Variants in LSAMP observed in about 807,000 individuals in gnomAD.
LSAMP encodes the protein limbic system-associated membrane protein.
In LSAMP, 7 loss-of-function variants were observed where a neutral mutation model predicts 38.6. That is an observed-to-expected ratio of 0.18 (90% CI 0.10 to 0.34). LSAMP has a LOEUF of 0.34. Among genes scored for constraint, LSAMP ranks in the 10% least tolerant of loss-of-function variants. The probability of loss-of-function intolerance (pLI) is 1.00; values close to 1 mark genes in which losing one functional copy is unlikely to be tolerated. For missense variants in LSAMP, 313 were observed against 420.0 expected (o/e 0.75, Z 2.23); for synonymous variants, 154 against 166.8 (o/e 0.92, Z 0.59).
At chr3:115,898,728 C>A (rs2107476468) in intron 3 of LSAMP, among the ~76,000 whole-genome samples, 1 of 152,122 alleles carries the variant, frequency 6.6e-6, no homozygotes, top group Middle Eastern at 3.4e-3. Flanking sequence ...CTGAATCAGG[C>A]AGACTTCACT....
chr3:116,048,939 A>G (rs1941342173), intron 2 of LSAMP, among the ~76,000 whole-genome samples: 1 of 152,054 alleles, frequency 6.6e-6, no homozygotes, highest in South Asian at 2.1e-4. Flanking sequence ...AGGGCCAAGG[A>G]CTCCTGGAGT....
chr3:115,836,885 G>C (rs147643414), intron 6 of LSAMP, among the ~76,000 whole-genome samples: 1 of 152,290 alleles, frequency 6.6e-6, no homozygotes, highest in East Asian at 1.9e-4. Flanking sequence ...GGCTCAAGCA[G>C]TCCTCCCACT....
intron 3 of LSAMP, among the ~76,000 whole-genome samples, chr3:115,884,875 A>G (rs1162508048): frequency 6.6e-6 from 1 of 152,060 alleles, no homozygotes; most frequent in African/African-American, 2.4e-5. Flanking sequence ...TAGCAAATGT[A>G]ATAAAAGAGG....
chr3:115,851,709 A>G (rs1466436306), intron 4 of LSAMP, among the ~76,000 whole-genome samples: 1 of 152,202 alleles, frequency 6.6e-6, no homozygotes, highest in Non-Finnish European at 1.5e-5. Context: ...TTTGTCCCTG[A>G]CACTAGCCAC....
chr3:116,051,234 G>A (rs1941390460), intron 2 of LSAMP: 1 of 152,182 alleles, frequency 6.6e-6, no homozygotes, highest in African/African-American at 2.4e-5. Flanking sequence ...CCCTTGTCAG[G>A]TTTTAGCCTC....
intron 1 of LSAMP, among the ~76,000 whole-genome samples, chr3:116,275,032 C>T (rs2047029314): frequency 6.8e-6 from 1 of 147,238 alleles, no homozygotes; most frequent in Non-Finnish European, 1.5e-5. Flanking sequence ...TTCTTATAAA[C>T]ACGGCCACAA....
rs537156263 is a variant in LSAMP, at chr3:116,002,484, C to T, written c.514+17031G>A. On this transcript the variant is annotated intron_variant, in intron 3 of 6. Transcript: ENST00000490035. The stretch of plus-strand genomic sequence containing the variant: ...TTGAATGCGCAGTTTTGGTTGTCTT[C>T]CCAGCTGCACCACATACCCCTACAT... Among the ~76,000 whole-genome samples, 83 of 152,222 alleles carry T rather than the reference C, an allele frequency of 5.5e-4. 1 individual carries two copies. Among genetic ancestry groups the T allele is most frequent in the African/African-American group, 1.9e-3 (81 of 41,552 alleles).
At chr3:116,418,588 C>T (rs1196859113) in intron 1 of LSAMP, among the ~76,000 whole-genome samples, 1 of 152,048 alleles carries the variant, frequency 6.6e-6, no homozygotes, top group Admixed American at 6.6e-5. Flanking sequence ...TGGATGATCC[C>T]CTGCTGCAAG....
chr3:116,069,386 T>C (rs1016417646), intron 2 of LSAMP, among the ~76,000 whole-genome samples: 1 of 152,242 alleles, frequency 6.6e-6, no homozygotes, highest in African/African-American at 2.4e-5. Context: ...ACGTTTGGAC[T>C]CATTCCGGGT....
chr3:116,083,864 A>G (rs1337055880), intron 2 of LSAMP, among the ~76,000 whole-genome samples: 1 of 152,200 alleles, frequency 6.6e-6, no homozygotes, highest in Non-Finnish European at 1.5e-5. Context: ...GAATGCCCCA[A>G]GGGGAAGTGA....
At chr3:116,421,850 T>G in intron 1 of LSAMP, among the ~76,000 whole-genome samples, 1 of 152,190 alleles carries the variant, frequency 6.6e-6, no homozygotes, top group East Asian at 1.9e-4. Context: ...AATGGTGTAG[T>G]TATTTTGGAA....
chr3:116,335,520 A>G, intron 1 of LSAMP, among the ~76,000 whole-genome samples: 1 of 152,088 alleles, frequency 6.6e-6, no homozygotes, highest in Non-Finnish European at 1.5e-5. Flanking sequence ...CAGACATATA[A>G]ACCAATGGAA....
chr3:116,045,517 A>C (rs1023242454), intron 2 of LSAMP, among the ~76,000 whole-genome samples: 14 of 147,216 alleles, frequency 9.5e-5, no homozygotes. Context: ...CAGCTCAAAA[A>C]TATTTTTCAT....
intron 3 of LSAMP, among the ~76,000 whole-genome samples, chr3:115,895,605 G>C (rs1359184637): frequency 1.3e-5 from 2 of 152,024 alleles, no homozygotes; most frequent in Non-Finnish European, 2.9e-5. Context: ...TCTTTGAACG[G>C]ATCTATGGAA....
At chr3:116,301,719 G>A (rs983713180) in intron 1 of LSAMP, among the ~76,000 whole-genome samples, 1 of 152,058 alleles carries the variant, frequency 6.6e-6, no homozygotes, top group Non-Finnish European at 1.5e-5. Context: ...GGGAAATTAA[G>A]GCTTCAGAAG....
chr3:115,827,226 C>T (rs1477580024), intron 6 of LSAMP, among the ~76,000 whole-genome samples: 1 of 152,032 alleles, frequency 6.6e-6, no homozygotes, highest in Non-Finnish European at 1.5e-5. Flanking sequence ...GATGGCCAAG[C>T]AAGTTTCCAA....
intron 1 of LSAMP, among the ~76,000 whole-genome samples, chr3:116,125,486 CA>C (rs968913923): frequency 1.3e-5 from 2 of 150,432 alleles, no homozygotes; most frequent in Non-Finnish European, 2.9e-5. Flanking sequence ...CAGTATCCTT[CA>C]TTTATTCTCC....
chr3:115,960,760 C>T (rs1339430932), intron 3 of LSAMP, among the ~76,000 whole-genome samples: 1 of 152,092 alleles, frequency 6.6e-6, no homozygotes, highest in African/African-American at 2.4e-5. Flanking sequence ...AATAAAATGC[C>T]TGCCAAAATA....
intron 1 of LSAMP, among the ~76,000 whole-genome samples, chr3:116,294,308 A>G (rs1245660152): frequency 6.6e-6 from 1 of 152,202 alleles, no homozygotes; most frequent in African/African-American, 2.4e-5. Flanking sequence ...TAATATTTCT[A>G]TGCAATTTGG....
Sources: gnomAD v4.1 joint callset for allele counts (sites outside exome capture counted in the v4.1 genomes callset) on GRCh38, gnomAD v4.1.1 for gene constraint, MANE v1.5 for transcripts, NCBI Gene and HGNC (gene_info 2026-07-23, HGNC 2026-07-21) for gene names.